RERE: variants seen among roughly 807,000 people sequenced by gnomAD.
The protein encoded by RERE is arginine-glutamic acid dipeptide repeats protein.
A neutral mutation model predicts 146.1 loss-of-function variants in RERE; 40 were observed. The ratio of observed to expected loss-of-function variants is 0.27; its 90% CI spans 0.21 to 0.36. RERE has a LOEUF of 0.36. Among genes scored for constraint, RERE ranks in the 10% least tolerant of loss-of-function variants. The probability of loss-of-function intolerance (pLI) is 1.00; values close to 1 mark genes in which losing one functional copy is unlikely to be tolerated. For synonymous variants in RERE, 1,003 were observed against 866.0 expected, an observed-to-expected ratio of 1.16 and a Z score of -2.78; for missense variants, 1,933 against 2,138.7, an observed-to-expected ratio of 0.90 and a Z score of 1.90.
chr1:8,487,899 T>C (rs766902154), intron 10 of RERE, among the ~76,000 whole-genome samples: 10 of 152,058 alleles, frequency 6.6e-5, no homozygotes, highest in Non-Finnish European at 1.3e-4. Flanking sequence ...TAGGAGTAAA[T>C]TTAACAAAAT....
intron 1 of RERE, among the ~76,000 whole-genome samples, chr1:8,783,586 T>A (rs972396219): frequency 3.3e-5 from 5 of 152,146 alleles, no homozygotes; most frequent in African/African-American, 4.8e-5. Flanking sequence ...GGGAGGACTG[T>A]TTGAACTCAG....
intron 12 of RERE, among the ~76,000 whole-genome samples, chr1:8,422,196 CCTTGTACAT>C (rs1643919681): frequency 4.6e-5 from 7 of 152,118 alleles, no homozygotes. Flanking sequence ...TATAAGATCC[CCTTGTACAT>C]CTGTCCAGTG....
At chr1:8,528,752 C>A (rs1292788545) in intron 7 of RERE, among the ~76,000 whole-genome samples, 1 of 152,102 alleles carries the variant, frequency 6.6e-6, no homozygotes, top group Non-Finnish European at 1.5e-5. Flanking sequence ...ACTCTTCTAA[C>A]CCCAAGCGTT....
In RERE at chr1:8,576,932, G is replaced by A. The variant is rs568054224; in HGVS notation, c.523-19409C>T. On this transcript the variant is annotated intron_variant, in intron 4 of 22. Transcript: ENST00000400908. ...TGCCTGTAATCCCAGCACTGTGGGA[G>A]GCCGAGGCAGGCAGATCACAAGGTC... is the stretch of plus-strand genomic sequence containing the variant. Among the ~76,000 whole-genome samples, 92 of 152,300 alleles carry A rather than the reference G, an allele frequency of 6.0e-4. 1 individual carries two copies. Among genetic ancestry groups the A allele is most frequent in the Non-Finnish European group, 1.1e-3 (73 of 68,024 alleles).
chr1:8,563,794 T>TATGGGATGAA (rs1256215251), intron 4 of RERE, among the ~76,000 whole-genome samples: 2 of 152,194 alleles, frequency 1.3e-5, no homozygotes, highest in African/African-American at 4.8e-5. Context: ...GGCTAACATG[T>TATGGGATGAA]GTATACTGTA....
At chr1:8,545,326 G>A (rs922694827) in intron 6 of RERE, among the ~76,000 whole-genome samples, 1 of 152,138 alleles carries the variant, frequency 6.6e-6, no homozygotes, top group African/African-American at 2.4e-5. Context: ...CTTCCGAGTG[G>A]GGCGGGCCCC....
chr1:8,796,251 G>C (rs1051947174), intron 1 of RERE, among the ~76,000 whole-genome samples: 2 of 152,034 alleles, frequency 1.3e-5, no homozygotes, highest in Admixed American at 1.3e-4. Flanking sequence ...CTCTAAGCCA[G>C]GAAATAGCCT....
chr1:8,576,652 T>TA (rs993321851), intron 4 of RERE, among the ~76,000 whole-genome samples: 15 of 152,122 alleles, frequency 9.9e-5, no homozygotes, highest in African/African-American at 1.4e-4. Context: ...AAAACCATAA[T>TA]AAAAAAATGC....
intron 4 of RERE, among the ~76,000 whole-genome samples, chr1:8,572,192 A>G (rs1194094467): frequency 1.3e-5 from 2 of 152,224 alleles, no homozygotes; most frequent in Admixed American, 1.3e-4. Flanking sequence ...TGACAAATGT[A>G]TAGAGTTGTG....
At chr1:8,579,994 A>G (rs1349184420) in intron 4 of RERE, among the ~76,000 whole-genome samples, 1 of 152,160 alleles carries the variant, frequency 6.6e-6, no homozygotes, top group African/African-American at 2.4e-5. Flanking sequence ...AGAGAGCAAG[A>G]CTCCATCTCA....
intron 12 of RERE, among the ~76,000 whole-genome samples, chr1:8,421,211 G>A (rs1180837714): frequency 2.6e-5 from 4 of 152,210 alleles, no homozygotes; most frequent in Admixed American, 2.6e-4. Flanking sequence ...TACAATCTGA[G>A]CGATCAGGAG....
chr1:8,677,169 T>C (rs1197487860), intron 1 of RERE, among the ~76,000 whole-genome samples: 2 of 152,076 alleles, frequency 1.3e-5, no homozygotes, highest in African/African-American at 2.4e-5. Flanking sequence ...GTGGCTCCCA[T>C]CTGTAATCCC....
intron 8 of RERE, among the ~76,000 whole-genome samples, chr1:8,508,156 C>T (rs576229283): frequency 5.3e-5 from 8 of 152,172 alleles, no homozygotes; most frequent in Non-Finnish European, 1.0e-4. Context: ...AATTCTGACA[C>T]ATGCTATTAA....
At chr1:8,444,175 AAGACCTTG>A (rs1644288568) in intron 11 of RERE, among the ~76,000 whole-genome samples, 1 of 152,224 alleles carries the variant, frequency 6.6e-6, no homozygotes, top group African/African-American at 2.4e-5. Flanking sequence ...GGAAGTGCCC[AAGACCTTG>A]GGAGCCTGCC....
chr1:8,702,943 G>A (rs1230840055), intron 1 of RERE: 1 of 152,168 alleles, frequency 6.6e-6, no homozygotes, highest in East Asian at 1.9e-4. Context: ...CATCTTTCTA[G>A]GGTCGGCTGG....
Position 8,520,613 on chromosome 1 carries a change from C to T in RERE, c.831-11938G>A, listed in dbSNP as rs1394699925. 2.0e-5 allele frequency among the ~76,000 whole-genome samples: 3 copies of T among 151,930 alleles called. 1 individual carries two copies. In the South Asian group the frequency reaches 6.2e-4, roughly 32 times the overall value. ...TCTTCTCCATTATGTGGTAACCTAC[C>T]GTGTATCTGGCAACGTCATAAAACA... On this transcript the variant is annotated intron_variant, in intron 7 of 22. Transcript: ENST00000400908.
chr1:8,742,299 G>A (rs1311794159), intron 1 of RERE, among the ~76,000 whole-genome samples: 1 of 152,126 alleles, frequency 6.6e-6, no homozygotes, highest in African/African-American at 2.4e-5. Flanking sequence ...TAAAAACTAG[G>A]TCCTCTCTGA....
At chr1:8,471,914 T>G (rs767766618) in intron 10 of RERE, among the ~76,000 whole-genome samples, 1 of 152,136 alleles carries the variant, frequency 6.6e-6, no homozygotes, top group African/African-American at 2.4e-5. Context: ...CGGATTCATG[T>G]GATTCTTCTG....
At chr1:8,500,625 C>A (rs1431098735) in intron 8 of RERE, among the ~76,000 whole-genome samples, 1 of 152,204 alleles carries the variant, frequency 6.6e-6, no homozygotes, top group Non-Finnish European at 1.5e-5. Flanking sequence ...CTCTGCCCGG[C>A]CGCCACCCCG....
Sources: gnomAD v4.1 joint callset for allele counts (sites outside exome capture counted in the v4.1 genomes callset) on GRCh38, gnomAD v4.1.1 for gene constraint, MANE v1.5 for transcripts, NCBI Gene and HGNC (gene_info 2026-07-23, HGNC 2026-07-21) for gene names.